The following GLUD1 variants were observed in gnomAD, a reference collection of about 807,000 sequenced individuals.
GLUD1 encodes glutamate dehydrogenase 1, mitochondrial.
Under a neutral mutation model 56.0 loss-of-function variants are expected in GLUD1, and 22 were observed. The observed-to-expected ratio is 0.39, with a 90% CI of 0.28 to 0.56. The LOEUF (loss-of-function observed/expected upper bound fraction) is 0.56. GLUD1 is among the 20% of genes least tolerant of loss of function. The pLI is 0.58. For synonymous variants in GLUD1, 223 were observed against 269.9 expected (o/e 0.83, Z 1.70); for missense variants, 451 against 732.0 (o/e 0.62, Z 4.43).
chr10:87,093,094 T>C (rs1347709727), intron 1 of GLUD1, among the ~76,000 whole-genome samples: 1 of 152,206 alleles, frequency 6.6e-6, no homozygotes, highest in Admixed American at 6.5e-5. Flanking sequence ...GCAAATTTAG[T>C]AAATCTTTAA....
chr10:87,052,015 G>C, intron 12 of GLUD1, 145 bp from the exon 13 acceptor site: 1 of 902,546 alleles, frequency 1.1e-6, no homozygotes, highest in South Asian at 1.3e-5. Flanking sequence ...AACTACTCTA[G>C]CAGCAGAACC....
intron 6 of GLUD1, 197 bp from the exon 7 acceptor site, chr10:87,061,249 T>G: frequency 1.4e-6 from 1 of 699,978 alleles, no homozygotes; most frequent in Non-Finnish European, 2.6e-6. Flanking sequence ...TGAGCGGGCA[T>G]GGTGGCTCAC....
At chr10:87,072,431 T>C (rs900219661) in intron 4 of GLUD1, among the ~76,000 whole-genome samples, 1 of 152,150 alleles carries the variant, frequency 6.6e-6, no homozygotes, top group African/African-American at 2.4e-5. Flanking sequence ...TGAGCCTCAA[T>C]CTGACACTCT....
At chr10:87,072,813 G>C (rs1268325919) in intron 4 of GLUD1, among the ~76,000 whole-genome samples, 1 of 152,204 alleles carries the variant, frequency 6.6e-6, no homozygotes. Flanking sequence ...AGGGGAAGAG[G>C]AAAGACCTTT....
At chr10:87,082,263 A>AAC (rs5786758) in intron 1 of GLUD1, among the ~76,000 whole-genome samples, 75,315 of 151,956 alleles carry the variant, frequency 0.5, 19,164 homozygotes, top group African/African-American at 0.6. Flanking sequence ...CCTTCCACAC[A>AAC]AGTGTAAACA....
At position 87,086,258 on chromosome 10, in the gene GLUD1, T is replaced by C. The variant is rs761902584; in HGVS notation, c.445+8067A>G. Among the ~76,000 whole-genome samples, 79 of 152,152 alleles carry C rather than the reference T, an allele frequency of 5.2e-4. 2 individuals carry two copies. Among genetic ancestry groups the C allele is most frequent in the Non-Finnish European group, 1.0e-4 (7 of 68,020 alleles). On this transcript the variant is annotated intron_variant, in intron 1 of 12. Coordinates refer to ENST00000277865, the MANE Select transcript of GLUD1 (RefSeq NM_005271.5). ...GATCTTCTTTATTTTAAAAATCCAA[T>C]CCTTTTCCTTAATAACCCCATCTGT... is the stretch of plus-strand genomic sequence containing the variant.
At chr10:87,080,820 G>A (rs561315966) in intron 1 of GLUD1, among the ~76,000 whole-genome samples, 5 of 151,244 alleles carry the variant, frequency 3.3e-5, no homozygotes, top group South Asian at 2.1e-4. Flanking sequence ...CTCTCCGCCC[G>A]GCAGCCGACC....
At chr10:87,082,525 G>T (rs1292257863) in intron 1 of GLUD1, among the ~76,000 whole-genome samples, 1 of 152,206 alleles carries the variant, frequency 6.6e-6, no homozygotes, top group African/African-American at 2.4e-5. Context: ...GGAAGCACAG[G>T]AGGAGCTATA....
chr10:87,082,739 G>GA (rs1210152173), intron 1 of GLUD1, among the ~76,000 whole-genome samples: 1 of 152,084 alleles, frequency 6.6e-6, no homozygotes, highest in Non-Finnish European at 1.5e-5. Flanking sequence ...CTGGTAGTCT[G>GA]AAAAACAAAA....
chr10:87,081,095 C>T (rs1377850238), intron 1 of GLUD1, among the ~76,000 whole-genome samples: 3 of 146,914 alleles, frequency 2.0e-5, no homozygotes, highest in East Asian at 2.1e-4. Flanking sequence ...CCCGGCCAGC[C>T]GCCTCTTCCG....
intron 4 of GLUD1, among the ~76,000 whole-genome samples, chr10:87,071,235 C>T (rs570897529): frequency 6.6e-6 from 1 of 151,996 alleles, no homozygotes; most frequent in East Asian, 1.9e-4. Flanking sequence ...TCTTGCTGCC[C>T]AGGCTGGAGT....
At chr10:87,057,974 T>C (rs1406876807) in intron 10 of GLUD1, among the ~76,000 whole-genome samples, 192 bp from the exon 11 acceptor site, 1 of 152,116 alleles carries the variant, frequency 6.6e-6, no homozygotes, top group Admixed American at 6.5e-5. Context: ...GTTCACGCCA[T>C]TCTCCTGCCT....
At chr10:87,091,046 T>G (rs975476204) in intron 1 of GLUD1, among the ~76,000 whole-genome samples, 1 of 152,202 alleles carries the variant, frequency 6.6e-6, no homozygotes, top group African/African-American at 2.4e-5. Flanking sequence ...ATTTTGACTT[T>G]TAAAAACTAG....
At chr10:87,070,969 A>T (rs1245129865) in intron 4 of GLUD1, among the ~76,000 whole-genome samples, 1 of 151,584 alleles carries the variant, frequency 6.6e-6, no homozygotes, top group African/African-American at 2.4e-5. Flanking sequence ...CTCTACTAAA[A>T]ATACAAAAAA....
At chr10:87,093,981 C>T (rs751203659) in intron 1 of GLUD1, 96 of 1,424,518 alleles carry the variant, frequency 6.7e-5, no homozygotes, top group Non-Finnish European at 8.3e-5. Context: ...CAGGTCATTC[C>T]CTTTCCTAGA....
chr10:87,088,972 T>A (rs1383633934), intron 1 of GLUD1, among the ~76,000 whole-genome samples: 1 of 152,244 alleles, frequency 6.6e-6, no homozygotes, highest in East Asian at 1.9e-4. Context: ...AAATGTTATT[T>A]CAGGTCTTCG....
chr10:87,061,205 C>T (rs1042738475), intron 6 of GLUD1, 153 bp from the exon 7 acceptor site: 3 of 792,126 alleles, frequency 3.8e-6, no homozygotes, highest in Non-Finnish European at 6.7e-6. Flanking sequence ...ACTGGTTTCT[C>T]TTCAACAATA....
chr10:87,071,883 C>T (rs867443627), intron 4 of GLUD1, among the ~76,000 whole-genome samples: 2 of 152,236 alleles, frequency 1.3e-5, no homozygotes, highest in Middle Eastern at 3.4e-3. Flanking sequence ...AAGACTTCTA[C>T]AATGAGAACT....
intron 4 of GLUD1, among the ~76,000 whole-genome samples, chr10:87,073,610 CTTTTTTTT>C (rs71019462): frequency 2.7e-5 from 2 of 74,166 alleles, no homozygotes; most frequent in East Asian, 4.5e-4. Context: ...AATTAACATT[CTTTTTTTT>C]TTTTTTTTTT....
Sources: gnomAD v4.1 joint callset for allele counts (sites outside exome capture counted in the v4.1 genomes callset) on GRCh38, gnomAD v4.1.1 for gene constraint, MANE v1.5 for transcripts, NCBI Gene and HGNC (gene_info 2026-07-23, HGNC 2026-07-21) for gene names.